The following ZCCHC2 variants were observed in gnomAD, a reference collection of about 807,000 sequenced individuals.
ZCCHC2 encodes zinc finger CCHC-type containing 2.
Under a neutral mutation model 103.6 loss-of-function variants are expected in ZCCHC2, and 39 were observed. The observed-to-expected ratio is 0.38, with a 90% CI of 0.29 to 0.49. ZCCHC2 has a LOEUF of 0.49. Ranked by LOEUF, ZCCHC2 falls within the 20% of genes least tolerant of loss-of-function variation. The probability of loss-of-function intolerance (pLI) is 0.96; values close to 1 mark genes in which losing one functional copy is unlikely to be tolerated. For synonymous variants in ZCCHC2, 687 were observed against 608.9 expected (o/e 1.13, Z -1.89); for missense variants, 1,483 against 1,491.0 (o/e 0.99, Z 0.09).
chr18:62,524,191 A>T lies in ZCCHC2; in HGVS notation c.767A>T (p.Gln256Leu). ...GGCGGCGGGCTTGGCTCCAGGGCCC[A>T]GGAGGAACTGCTGCTGCTCTTCACC... ...RVGGGLGSRA[Q>L]EELLLLFTMA... is the part of the protein sequence containing the mutation. Residue 256 changes from glutamine to leucine, a missense_variant, in exon 1 of 14, where the codon CAG becomes CTG. Gln to Leu is a moderately radical substitution (Grantham distance 113, BLOSUM62 -2). Coordinates refer to ENST00000269499, the MANE Select transcript of ZCCHC2 (RefSeq NM_017742.6). The T allele has an allele frequency of 3.2e-6, 5 of 1,549,494 alleles. No homozygotes were observed. Among genetic ancestry groups the T allele is most frequent in the Non-Finnish European group, 4.4e-6 (5 of 1,146,566 alleles).
chr18:62,533,872 C>CAAA lies in ZCCHC2; in HGVS notation c.940-5792_940-5790dup, dbSNP rs35039729. Among the ~76,000 whole-genome samples the CAAA allele has an allele frequency of 5.0e-3, 498 of 99,360 alleles. 15 individuals carry two copies. The highest frequency in any genetic ancestry group is 8.7e-3 in the African/African-American group (235 of 26,936). The allele number at this position is 99,360 out of a possible 152,430, so 65.2% of individuals were successfully genotyped here. On this transcript the variant is annotated intron_variant, in intron 1 of 13. Coordinates refer to ENST00000269499, the MANE Select transcript of ZCCHC2 (RefSeq NM_017742.6). ...GGGCAACAAGAGCAAAACTCTGCCT[C>CAAA]AAAAAAAAAAAAAAAAAAAGACTAA...
chr18:62,531,007 TG>T (rs1400857562), intron 1 of ZCCHC2, among the ~76,000 whole-genome samples: 2 of 152,176 alleles, frequency 1.3e-5, no homozygotes, highest in Non-Finnish European at 2.9e-5. Flanking sequence ...GCTGTTGAAT[TG>T]GCTTATTTTT....
At position 62,563,286 on chromosome 18, in the gene ZCCHC2, T is replaced by C. The variant is rs756103074; in HGVS notation, c.1686+142T>C. 4.8e-4 allele frequency: 478 copies of C among 988,026 alleles called. 5 individuals are homozygous for C. The highest frequency in any genetic ancestry group is 1.1e-4 in the African/African-American group (7 of 61,304). 61.2% of individuals were successfully genotyped at this position (988,026 alleles called of 1,614,324 possible). A position where few individuals can be genotyped will look rare whatever the true frequency, so the allele number is the denominator to read the frequency against. On this transcript the variant is annotated intron_variant, in intron 9 of 13. Coordinates refer to ENST00000269499, the MANE Select transcript of ZCCHC2 (RefSeq NM_017742.6). The stretch of plus-strand genomic sequence containing the variant: ...GTTTAAGTTTTAGACTTTATACTTA[T>C]ATATGATCTAAGCTCTTCTGAGACC...
intron 4 of ZCCHC2, among the ~76,000 whole-genome samples, chr18:62,545,613 A>G (rs1372589949): frequency 6.6e-6 from 1 of 152,240 alleles, no homozygotes; most frequent in Non-Finnish European, 1.5e-5. Context: ...TTAGAAATAC[A>G]TATCAAAAGG....
At chr18:62,528,482 C>G (rs959467255) in intron 1 of ZCCHC2, among the ~76,000 whole-genome samples, 2 of 151,966 alleles carry the variant, frequency 1.3e-5, no homozygotes, top group South Asian at 4.1e-4. Context: ...GCCTGTAGTC[C>G]CAGCTACTCT....
At position 62,524,064 on chromosome 18, in the gene ZCCHC2, C is replaced by CGGGGCGGCGCGGAGGACG. The variant is rs1914212654; in HGVS notation, c.641_658dup (p.Asp219_Glu220insGlyGlyGlyAlaGluAsp). The CGGGGCGGCGCGGAGGACG allele has an allele frequency of 6.7e-7, 1 of 1,484,556 alleles. No individual in the cohort carries two copies. The allele number at this position is 1,484,556 out of a possible 1,614,324, so 92.0% of individuals were successfully genotyped here. ...GCGCGCGGCCCGGGGCGAGGGCTCG[C>CGGGGCGGCGCGGAGGACG]GGGGCGGCGCGGAGGACGAGCGCGG... On this transcript the variant is annotated inframe_insertion, in exon 1 of 14. Coordinates refer to ENST00000269499, the MANE Select transcript of ZCCHC2 (RefSeq NM_017742.6).
intron 1 of ZCCHC2, among the ~76,000 whole-genome samples, chr18:62,536,266 C>T (rs1462554106): frequency 6.6e-6 from 1 of 152,226 alleles, no homozygotes; most frequent in Non-Finnish European, 1.5e-5. Flanking sequence ...AGAAGAAGCT[C>T]TGCCTCAGGC....
At chr18:62,524,578 G>A in intron 1 of ZCCHC2, 1 of 646,768 alleles carries the variant, frequency 1.5e-6, no homozygotes, top group Admixed American at 4.0e-5. Flanking sequence ...GGCAGACACA[G>A]CCACCCGCCA....
At chr18:62,579,791 C>T (rs531361276), downstream of ZCCHC2, among the ~76,000 whole-genome samples, 3 of 152,130 alleles carry the variant, frequency 2.0e-5, no homozygotes, top group Non-Finnish European at 4.4e-5. Context: ...GGTGCAATCT[C>T]GACTCACTGG....
chr18:62,523,376 G>GGGGGGGGCCCGC lies in ZCCHC2; in HGVS notation c.-49_-48insGGGGGGGCCCGC. On this transcript the variant is annotated 5_prime_UTR_variant, in exon 1 of 14. Coordinates refer to ENST00000269499, the MANE Select transcript of ZCCHC2 (RefSeq NM_017742.6). ...GCCTCGGCCCGTGCTCCACCTCGCGGCCCCTCCCGCCCGCCCCCGCTCGCA... is the reference window on the plus strand; with the variant it reads ...GCCTCGGCCCGTGCTCCACCTCGCGGGGGGGGGCCCGCCCCCTCCCGCCCGCCCCCGCTCGCA... 1 of 1,012,356 alleles carries GGGGGGGGCCCGC rather than the reference G, an allele frequency of 9.9e-7. No homozygotes were observed. Among genetic ancestry groups the GGGGGGGGCCCGC allele is most frequent in the Non-Finnish European group, 1.2e-6 (1 of 848,992 alleles). 62.7% of individuals were successfully genotyped at this position (1,012,356 alleles called of 1,614,324 possible).
chr18:62,532,488 A>AT (rs763259426), intron 1 of ZCCHC2, among the ~76,000 whole-genome samples: 13 of 152,144 alleles, frequency 8.5e-5, no homozygotes, highest in Non-Finnish European at 1.9e-4. Flanking sequence ...TAATCATACT[A>AT]TCTTTTCTTT....
intron 8 of ZCCHC2, 23 bp from the exon 9 acceptor site, chr18:62,562,985 CT>C (rs1432621792): frequency 6.3e-7 from 1 of 1,591,410 alleles, no homozygotes; most frequent in African/African-American, 1.3e-5. Context: ...GATTTTCACA[CT>C]TTCATAAACT....
intron 12 of ZCCHC2, among the ~76,000 whole-genome samples, chr18:62,571,255 C>G (rs950978266): frequency 3.9e-5 from 6 of 152,106 alleles, no homozygotes; most frequent in Admixed American, 3.9e-4. Context: ...TTGGGGAACT[C>G]GAAACCCATA....
At chr18:62,528,867 A>G (rs1318231792) in intron 1 of ZCCHC2, among the ~76,000 whole-genome samples, 1 of 152,148 alleles carries the variant, frequency 6.6e-6, no homozygotes, top group Non-Finnish European at 1.5e-5. Flanking sequence ...GCACTAAAAA[A>G]GATGATTTTT....
intron 5 of ZCCHC2, among the ~76,000 whole-genome samples, chr18:62,555,669 G>T (rs563694425): frequency 2.0e-5 from 3 of 152,138 alleles, no homozygotes; most frequent in African/African-American, 7.2e-5. Flanking sequence ...TTAGCCAGGC[G>T]TGGTGGCACA....
intron 1 of ZCCHC2, 75 bp downstream of exon 1, chr18:62,524,438 C>T: frequency 7.1e-7 from 1 of 1,408,508 alleles, no homozygotes; most frequent in Non-Finnish European, 9.2e-7. Context: ...CGCTCTCGGA[C>T]GCCCCTTGCC....
downstream of ZCCHC2, among the ~76,000 whole-genome samples, chr18:62,583,344 A>G (rs1310078356): frequency 7.0e-4 from 1 of 1,428 alleles, no homozygotes; most frequent in Non-Finnish European, 9.9e-4. Flanking sequence ...CCGAGTCATA[A>G]CGGTCATGAT....
intron 1 of ZCCHC2, among the ~76,000 whole-genome samples, chr18:62,528,349 C>G (rs930388213): frequency 6.6e-6 from 1 of 152,218 alleles, no homozygotes; most frequent in Non-Finnish European, 1.5e-5. Flanking sequence ...AATCCCAGCA[C>G]TTCGGGAGGC....
In ZCCHC2 at chr18:62,574,921, G is replaced by A. The variant is rs957910930; in HGVS notation, c.2840G>A (p.Ser947Asn). Residue 947 changes from serine to asparagine, a missense_variant, in exon 13 of 14, where the codon AGC (serine) becomes AAC (asparagine). This residue lies in a region of ZCCHC2 where 884 missense variants were observed against 907.5 expected (regional missense o/e 0.97). Coordinates refer to ENST00000269499, the MANE Select transcript of ZCCHC2 (RefSeq NM_017742.6). ...STAATSPQPA[S>N]AGISQAQATV... ...GCAGCAACTTCTCCCCAGCCAGCGA[G>A]CGCAGGTATCAGCCAGGCCCAGGCA... The A allele has an allele frequency of 6.2e-7, 1 of 1,613,856 alleles. No individual in the cohort carries two copies. The highest frequency in any genetic ancestry group is 1.7e-5 in the Admixed American group (1 of 60,022).
Sources: allele counts gnomAD v4.1 joint callset (sites outside exome capture counted in the v4.1 genomes callset), GRCh38; gene constraint gnomAD v4.1.1; regional missense constraint gnomAD v4.1.1; transcripts MANE v1.5; gene names NCBI Gene and HGNC (gene_info 2026-07-23, HGNC 2026-07-21).